FASTKD1: variants seen among roughly 807,000 people sequenced by gnomAD.
FASTKD1 encodes the protein FAST kinase domain-containing protein 1, mitochondrial.
Under a neutral mutation model 90.9 loss-of-function variants are expected in FASTKD1, and 94 were observed. The observed-to-expected ratio is 1.03, with a 90% CI of 0.88 to 1.23. The LOEUF is 1.23. FASTKD1 is among the 50% of genes most tolerant of loss of function. The pLI is 0.00. For synonymous variants in FASTKD1, 319 were observed against 345.8 expected (o/e 0.92, Z 0.86); for missense variants, 945 against 993.5 (o/e 0.95, Z 0.66).
rs561762592 is a variant in FASTKD1 at position 169,544,805 on chromosome 2, G to T, written c.1732C>A (p.Arg578Ser). ...TCATAGTTCAATACGCTGAATGGACGAATAATAGCAGGGATTGTAAAAGGA... is the reference window on the plus strand; with the variant it reads ...TCATAGTTCAATACGCTGAATGGACTAATAATAGCAGGGATTGTAAAAGGA... ...IHPFTIPAII[R>S]PFSVLNYDPP... The change falls in exon 9 of 15, where the codon CGT (arginine) becomes AGT (serine). Residue 578 changes from arginine (R) to serine (S), a missense_variant. Physicochemically the swap from Arg to Ser is moderately radical, Grantham distance 110. Transcript: ENST00000453153. The T allele has an allele frequency of 5.6e-6, 9 of 1,610,618 alleles. No homozygotes were observed. Among genetic ancestry groups the T allele is most frequent in the Non-Finnish European group, 7.6e-6 (9 of 1,177,352 alleles).
At chr2:169,544,905 T>C in intron 8 of FASTKD1, 70 bp from the exon 9 acceptor site, 3 of 800,364 alleles carry the variant, frequency 3.7e-6, no homozygotes, top group South Asian at 3.5e-5. Flanking sequence ...AACCTAATTA[T>C]TTTTTAGGAG....
chr2:169,569,248 C>A lies in FASTKD1; in HGVS notation c.382G>T (p.Ala128Ser). Residue 128 changes from alanine (A) to serine (S), a missense_variant, in exon 3 of 15, where the codon GCT (alanine) becomes TCT (serine). Physicochemically the swap from Ala to Ser is moderately conservative, Grantham distance 99. Transcript: ENST00000453153. ...ACTAGCGGGTCATGGGCCTCACCAG[C>A]AAACCTTAATAAAAAAGAAAGAATC... ...VNVLYVTQQF[A>S]GEAHDPLVEA... 6.2e-7 allele frequency: 1 copy of A among 1,613,906 alleles called. No individual in the cohort carries two copies. Among genetic ancestry groups the A allele is most frequent in the Non-Finnish European group, 8.5e-7 (1 of 1,179,908 alleles).
chr2:169,567,234 T>C (rs553104769), intron 3 of FASTKD1, among the ~76,000 whole-genome samples: 65 of 152,290 alleles, frequency 4.3e-4, no homozygotes, highest in Admixed American at 3.2e-3. Flanking sequence ...CAATCATACA[T>C]GTAATTTAAT....
chr2:169,539,812 G>A (rs1047971448), intron 10 of FASTKD1, among the ~76,000 whole-genome samples: 1 of 152,038 alleles, frequency 6.6e-6, no homozygotes, highest in African/African-American at 2.4e-5. Flanking sequence ...ATAGGAGAAG[G>A]AGAAAGACAA....
intron 12 of FASTKD1, among the ~76,000 whole-genome samples, chr2:169,534,799 T>C (rs1415950484): frequency 6.6e-6 from 1 of 152,076 alleles, no homozygotes; most frequent in Non-Finnish European, 1.5e-5. Context: ...TCAGGTATTT[T>C]GTTGTAGCAG....
chr2:169,557,336 G>C, intron 5 of FASTKD1, 39 bp from the exon 6 acceptor site: 1 of 1,181,828 alleles, frequency 8.5e-7, no homozygotes, highest in Non-Finnish European at 1.2e-6. Flanking sequence ...TTGAAAGACT[G>C]AAAATTAGCT....
In FASTKD1 at chr2:169,568,350, T is replaced by C. The variant is rs80079417; in HGVS notation, c.446+834A>G. 4.4e-3 allele frequency among the ~76,000 whole-genome samples: 663 copies of C among 152,270 alleles called. 7 individuals carry two copies. The highest frequency in any genetic ancestry group is 0.015 in the African/African-American group (634 of 41,572). ...AATCAAGAATCTTTCCTTTCTGAAGTATTCTTCTAGAAAAGAAGATTCAAA... is the reference window on the plus strand; with the variant it reads ...AATCAAGAATCTTTCCTTTCTGAAGCATTCTTCTAGAAAAGAAGATTCAAA... On this transcript the variant is annotated intron_variant, in intron 3 of 14. Transcript: ENST00000453153.
At chr2:169,553,921 CA>C (rs1215461818) in intron 7 of FASTKD1, among the ~76,000 whole-genome samples, 2 of 150,390 alleles carry the variant, frequency 1.3e-5, no homozygotes, top group African/African-American at 4.9e-5. Context: ...GACTCCATCT[CA>C]AAAAAAATAA....
intron 3 of FASTKD1, among the ~76,000 whole-genome samples, chr2:169,568,760 G>A (rs1445214205): frequency 6.6e-6 from 1 of 151,756 alleles, no homozygotes; most frequent in African/African-American, 2.4e-5. Context: ...CAGTACTCTG[G>A]GAGGCTGAGG....
intron 10 of FASTKD1, 96 bp from the exon 11 acceptor site, chr2:169,538,237 G>A: frequency 1.0e-6 from 1 of 971,672 alleles, no homozygotes; most frequent in Admixed American, 2.4e-5. Context: ...ATTAGTAGAT[G>A]CTTTTATTCT....
rs552623340 is a variant in FASTKD1, at chr2:169,553,779, G to A, written c.1214+1345C>T. Among the ~76,000 whole-genome samples the A allele has an allele frequency of 9.9e-4, 151 of 152,128 alleles. 1 individual carries two copies. Among genetic ancestry groups the A allele is most frequent in the South Asian group, 5.6e-3 (27 of 4,804 alleles). On this transcript the variant is annotated intron_variant, in intron 7 of 14. Transcript: ENST00000453153. The stretch of plus-strand genomic sequence containing the variant: ...AAAAAAAAAATACAAAAAATTAGCC[G>A]GGTGTGGCGGCGGGCACCTGTAGTC...
In FASTKD1 at chr2:169,569,266, A is replaced by G; in HGVS notation, c.378-14T>C. 1 of 1,611,726 alleles carries G rather than the reference A, an allele frequency of 6.2e-7. No individual in the cohort carries two copies. The highest frequency in any genetic ancestry group is 2.2e-5 in the East Asian group (1 of 44,854). On this transcript the variant is annotated splice_polypyrimidine_tract_variant and intron_variant, in intron 2 of 14. Coordinates refer to ENST00000453153, the MANE Select transcript of FASTKD1 (RefSeq NM_024622.6). ...TCACCAGCAAACCTTAATAAAAAAG[A>G]AAGAATCCTCCATACATAATCATTT...
At chr2:169,531,206 G>T in intron 13 of FASTKD1, 146 bp downstream of exon 13, 2 of 864,104 alleles carry the variant, frequency 2.3e-6, no homozygotes, top group Non-Finnish European at 2.0e-6. Context: ...GCAGAAAGGA[G>T]AGGAAAAGCA....
chr2:169,564,525 T>A (rs1000284907), intron 3 of FASTKD1, among the ~76,000 whole-genome samples: 2 of 152,166 alleles, frequency 1.3e-5, no homozygotes, highest in Non-Finnish European at 1.5e-5. Context: ...AAACACATCA[T>A]GAAAAATGGA....
In FASTKD1 at chr2:169,555,176, G is replaced by A; in HGVS notation, c.1162C>T (p.Leu388=). 3 of 1,612,850 alleles carry A rather than the reference G, an allele frequency of 1.9e-6. No individual in the cohort carries two copies. Among genetic ancestry groups the A allele is most frequent in the Non-Finnish European group, 2.5e-6 (3 of 1,179,396 alleles). ...AAAAACTCCTTCCTTTGGAAATGCA[G>A]AAAAGTTAATTCTTGAGTTATCTTC... The part of the protein sequence containing the change: ...LLKITQELTF[L]HFQRKEFFAK... Residue 388 remains leucine (L), a synonymous_variant, in exon 7 of 15, where the codon CTG becomes TTG. Transcript: ENST00000453153.
intron 10 of FASTKD1, among the ~76,000 whole-genome samples, chr2:169,538,366 C>T (rs1838903): frequency 0.65 from 99,090 of 152,000 alleles, 32,534 homozygotes; most frequent in Admixed American, 0.74. Flanking sequence ...TAATCATGAA[C>T]GTTAAAAGTA....
intron 12 of FASTKD1, among the ~76,000 whole-genome samples, chr2:169,532,747 CCAAGTG>C (rs1180230826): frequency 6.7e-6 from 1 of 149,514 alleles, no homozygotes; most frequent in Non-Finnish European, 1.5e-5. Context: ...TGCAAACCAA[CCAAGTG>C]GAATGTTAAG....
chr2:169,533,655 A>C (rs970520150), intron 12 of FASTKD1, among the ~76,000 whole-genome samples: 3 of 152,222 alleles, frequency 2.0e-5, no homozygotes, highest in African/African-American at 7.2e-5. Context: ...ATGAAATTGC[A>C]GCATTGTTTG....
At chr2:169,537,032 C>A in intron 12 of FASTKD1, 195 bp downstream of exon 12, 3 of 241,816 alleles carry the variant, frequency 1.2e-5, no homozygotes, top group East Asian at 9.1e-5. Flanking sequence ...AGAAAACGCT[C>A]TTGGTTATCA....
Sources: gnomAD v4.1 joint callset for allele counts (sites outside exome capture counted in the v4.1 genomes callset) on GRCh38, gnomAD v4.1.1 for gene constraint, MANE v1.5 for transcripts, NCBI Gene and HGNC (gene_info 2026-07-23, HGNC 2026-07-21) for gene names.